The following OPRD1 variants were observed in gnomAD, a reference collection of about 807,000 sequenced individuals.
The protein encoded by OPRD1 is delta-type opioid receptor.
In OPRD1, 19 loss-of-function variants were observed where a neutral mutation model predicts 17.5. That is an observed-to-expected ratio of 1.09 (90% CI 0.76 to 1.60). OPRD1 has a LOEUF of 1.60. Ranked by LOEUF, OPRD1 falls within the 40% of genes most tolerant of loss-of-function variation. OPRD1 has a pLI of 0.00. For missense variants in OPRD1, 483 were observed against 547.2 expected, an observed-to-expected ratio of 0.88 and a Z score of 1.17; for synonymous variants, 256 against 240.9, an observed-to-expected ratio of 1.06 and a Z score of -0.58.
At chr1:28,831,458 GAGATCGTGCCACTGCACTCC>G (rs1313996992) in intron 1 of OPRD1, among the ~76,000 whole-genome samples, 1 of 151,036 alleles carries the variant, frequency 6.6e-6, no homozygotes, top group Non-Finnish European at 1.5e-5. Context: ...GCAGTGAGCT[GAGATCGTGCCACTGCACTCC>G]AGCCTGGGCG....
rs1240042305 is a variant in OPRD1, at chr1:28,859,096, G to C, written c.370G>C (p.Val124Leu). 5.0e-6 allele frequency: 8 copies of C among 1,614,234 alleles called. No homozygotes were observed. Among genetic ancestry groups the C allele is most frequent in the Non-Finnish European group, 6.8e-6 (8 of 1,180,052 alleles). ...CTTCGGCGAGCTGCTCTGCAAGGCT[G>C]TGCTCTCCATCGACTACTACAATAT... ...WPFGELLCKAVLSIDYYNMFT... is the reference protein window; with the variant it reads ...WPFGELLCKALLSIDYYNMFT... The change falls in exon 2 of 3, where the codon GTG becomes CTG. Residue 124 changes from valine (V) to leucine (L), a missense_variant. Coordinates refer to ENST00000234961, the MANE Select transcript of OPRD1 (RefSeq NM_000911.4).
At chr1:28,826,507 C>T (rs2088769563) in intron 1 of OPRD1, among the ~76,000 whole-genome samples, 1 of 151,526 alleles carries the variant, frequency 6.6e-6, no homozygotes, top group South Asian at 2.1e-4. Flanking sequence ...GAGAGCCAGA[C>T]CCTGTCTCAA....
At chr1:28,862,684 GC>G in intron 2 of OPRD1, 57 bp from the exon 3 acceptor site, 1 of 1,507,666 alleles carries the variant, frequency 6.6e-7, no homozygotes, top group Non-Finnish European at 8.9e-7. Context: ...GCAGGTGGGG[GC>G]CCCTTAGGCA....
At chr1:28,830,814 G>T (rs749461163) in intron 1 of OPRD1, among the ~76,000 whole-genome samples, 1 of 152,244 alleles carries the variant, frequency 6.6e-6, no homozygotes, top group Non-Finnish European at 1.5e-5. Context: ...CTTGGAGGAA[G>T]AGTGTTTTAG....
Position 28,850,115 on chromosome 1 carries a change from C to T in OPRD1, c.228-8839C>T, listed in dbSNP as rs191716056. Among the ~76,000 whole-genome samples the T allele has an allele frequency of 2.6e-4, 40 of 152,108 alleles. No homozygotes were observed. In the East Asian group the frequency reaches 6.8e-3, roughly 26 times the overall value. ...CAGGATGGTCTCAATCTTCTGACCT[C>T]GTGATCTGCCCACCTCGGCCTCCCA... On this transcript the variant is annotated intron_variant, in intron 1 of 2. Coordinates refer to ENST00000234961, the MANE Select transcript of OPRD1 (RefSeq NM_000911.4).
At chr1:28,846,956 CTT>C (rs2088958618) in intron 1 of OPRD1, among the ~76,000 whole-genome samples, 1 of 143,376 alleles carries the variant, frequency 7.0e-6, no homozygotes, top group Non-Finnish European at 1.5e-5. Context: ...TTTTCTTTCT[CTT>C]TCTCTCTTTC....
At chr1:28,854,202 G>C (rs1001624927) in intron 1 of OPRD1, among the ~76,000 whole-genome samples, 2 of 152,094 alleles carry the variant, frequency 1.3e-5, no homozygotes, top group African/African-American at 2.4e-5. Flanking sequence ...GGGAAAGGAG[G>C]CTACCCAAAT....
chr1:28,812,326 G>A lies in OPRD1; in HGVS notation c.-58G>A, dbSNP rs1270141734. The A allele has an allele frequency of 7.5e-6, 9 of 1,202,882 alleles. No homozygotes were observed. Among genetic ancestry groups the A allele is most frequent in the East Asian group, 3.3e-5 (1 of 30,682 alleles). 74.5% of individuals were successfully genotyped at this position (1,202,882 alleles called of 1,614,324 possible). A position where few individuals can be genotyped will look rare whatever the true frequency, so the allele number is the denominator to read the frequency against. ...TCTGCCTTGCCGCTCCCCTCGCGTC[G>A]GATCCCCGCGCCCAGGGCGCACGGT... On this transcript the variant is annotated 5_prime_UTR_variant, in exon 1 of 3. Coordinates refer to ENST00000234961, the MANE Select transcript of OPRD1 (RefSeq NM_000911.4).
chr1:28,812,298 G>C lies in OPRD1; in HGVS notation c.-86G>C. The stretch of plus-strand genomic sequence containing the variant: ...GGCAGCCGGCGGCGTCGGGGCCGCG[G>C]CCTCTGCCTTGCCGCTCCCCTCGCG... On this transcript the variant is annotated 5_prime_UTR_variant, in exon 1 of 3. Coordinates refer to ENST00000234961, the MANE Select transcript of OPRD1 (RefSeq NM_000911.4). 2.1e-6 allele frequency: 2 copies of C among 948,602 alleles called. No homozygotes were observed. The highest frequency in any genetic ancestry group is 2.7e-6 in the Non-Finnish European group (2 of 739,018). 58.8% of individuals were successfully genotyped at this position (948,602 alleles called of 1,614,324 possible). A position where few individuals can be genotyped will look rare whatever the true frequency, so the allele number is the denominator to read the frequency against.
At position 28,863,639 on chromosome 1, in the gene OPRD1, T is replaced by A; in HGVS notation, c.*356T>A. ...CTCCAGGAAGGCGGGGCTTCAACCT[T>A]GAGACAGCTTCGGTTTCTAACTTGG... On this transcript the variant is annotated 3_prime_UTR_variant, in exon 3 of 3. Transcript: ENST00000234961. 1 of 240,700 alleles carries A rather than the reference T, an allele frequency of 4.2e-6. No homozygotes were observed. Among genetic ancestry groups the A allele is most frequent in the Non-Finnish European group, 8.0e-6 (1 of 125,728 alleles). The allele number at this position is 240,700 out of a possible 1,614,324, so 14.9% of individuals were successfully genotyped here. A position where few individuals can be genotyped will look rare whatever the true frequency, so the allele number is the denominator to read the frequency against.
intron 1 of OPRD1, among the ~76,000 whole-genome samples, chr1:28,824,244 C>T (rs1433108438): frequency 6.7e-6 from 1 of 149,450 alleles, no homozygotes; most frequent in Non-Finnish European, 1.5e-5. Context: ...ATTTTCCTCC[C>T]CTGCAGAAAT....
Position 28,864,063 on chromosome 1 carries a change from A to G in OPRD1, c.*780A>G. On this transcript the variant is annotated 3_prime_UTR_variant, in exon 3 of 3. Coordinates refer to ENST00000234961, the MANE Select transcript of OPRD1 (RefSeq NM_000911.4). ...GCAGGTGGATGGACATGAGCCCAGG[A>G]GTTCGAGACTAGTCTGGGCAACATG... is the stretch of plus-strand genomic sequence containing the variant. The G allele has an allele frequency of 6.6e-6, 1 of 152,662 alleles. No individual in the cohort carries two copies. Among genetic ancestry groups the G allele is most frequent in the South Asian group, 2.1e-4 (1 of 4,832 alleles). The allele number at this position is 152,662 out of a possible 1,614,324, so 9.5% of individuals were successfully genotyped here. A position where few individuals can be genotyped will look rare whatever the true frequency, so the allele number is the denominator to read the frequency against.
chr1:28,824,766 C>T (rs898797834), intron 1 of OPRD1, among the ~76,000 whole-genome samples: 2 of 152,128 alleles, frequency 1.3e-5, no homozygotes, highest in Non-Finnish European at 2.9e-5. Flanking sequence ...CTCAGAGAAA[C>T]GACATAACAT....
chr1:28,850,789 TAATAATAATAA>T (rs1261040384), intron 1 of OPRD1, among the ~76,000 whole-genome samples: 1 of 38,280 alleles, frequency 2.6e-5, no homozygotes, highest in Non-Finnish European at 4.6e-5. Flanking sequence ...CTCAAAATAA[TAATAATAATAA>T]TAATAATAAT....
chr1:28,833,566 C>T (rs2088825246), intron 1 of OPRD1, among the ~76,000 whole-genome samples: 1 of 152,156 alleles, frequency 6.6e-6, no homozygotes. Context: ...AGGATAATCT[C>T]CTTAAAGTCA....
chr1:28,855,915 G>C (rs903649652), intron 1 of OPRD1, among the ~76,000 whole-genome samples: 1 of 152,210 alleles, frequency 6.6e-6, no homozygotes, highest in Non-Finnish European at 1.5e-5. Context: ...ATTTGGGAGG[G>C]AGTAGGATAG....
chr1:28,847,014 T>TTCCTG (rs1187904970), intron 1 of OPRD1, among the ~76,000 whole-genome samples: 3 of 141,046 alleles, frequency 2.1e-5, no homozygotes, highest in Non-Finnish European at 4.5e-5. Context: ...TTCCTTTCCT[T>TTCCTG]TCCTGTCCCC....
At chr1:28,847,789 C>CCACTG (rs2088966657) in intron 1 of OPRD1, among the ~76,000 whole-genome samples, 1 of 152,046 alleles carries the variant, frequency 6.6e-6, no homozygotes, top group African/African-American at 2.4e-5. Context: ...TATGATTGCA[C>CCACTG]CACTGCACTC....
chr1:28,835,582 G>A (rs576601261), intron 1 of OPRD1, among the ~76,000 whole-genome samples: 2 of 152,334 alleles, frequency 1.3e-5, no homozygotes, highest in South Asian at 2.1e-4. Context: ...TTTGCCAGTC[G>A]TGGAGGGCAA....
Sources: gnomAD v4.1 joint callset for allele counts (sites outside exome capture counted in the v4.1 genomes callset) on GRCh38, gnomAD v4.1.1 for gene constraint, MANE v1.5 for transcripts, NCBI Gene and HGNC (gene_info 2026-07-23, HGNC 2026-07-21) for gene names.